Variants in CRTAC1 observed in about 807,000 individuals in gnomAD.
CRTAC1 encodes the protein cartilage acidic protein 1, also known as acidic secreted protein in cartilage.
In CRTAC1, 37 loss-of-function variants were observed where a neutral mutation model predicts 67.8. That is an observed-to-expected ratio of 0.55 (90% CI 0.42 to 0.72). The LOEUF is 0.72. Among genes scored for constraint, CRTAC1 ranks in the 30% least tolerant of loss-of-function variants. The pLI is 0.00. For synonymous variants in CRTAC1, 348 were observed against 371.0 expected, an observed-to-expected ratio of 0.94 and a Z score of 0.71; for missense variants, 780 against 931.6, an observed-to-expected ratio of 0.84 and a Z score of 2.12.
chr10:97,953,599 G>T (rs2051394747), intron 2 of CRTAC1, among the ~76,000 whole-genome samples: 1 of 152,134 alleles, frequency 6.6e-6, no homozygotes, highest in African/African-American at 2.4e-5. Flanking sequence ...CTCGTCATCT[G>T]CGTCTGTAGT....
chr10:98,021,465 G>A (rs1242041850), intron 1 of CRTAC1, among the ~76,000 whole-genome samples: 2 of 152,110 alleles, frequency 1.3e-5, no homozygotes, highest in Admixed American at 6.6e-5. Context: ...GAAAGTGAGA[G>A]GACAAATGGA....
At chr10:97,917,686 A>T in intron 4 of CRTAC1, 30 bp from the exon 5 acceptor site, 1 of 1,502,676 alleles carries the variant, frequency 6.7e-7, no homozygotes, top group South Asian at 1.4e-5. Flanking sequence ...AGAGGTGAGC[A>T]GGGCCACCTT....
chr10:97,916,413 C>G (rs2050759409), intron 5 of CRTAC1, among the ~76,000 whole-genome samples: 1 of 152,202 alleles, frequency 6.6e-6, no homozygotes, highest in African/African-American at 2.4e-5. Flanking sequence ...TTTGTTCCCA[C>G]AAACTTTGTA....
intron 2 of CRTAC1, among the ~76,000 whole-genome samples, chr10:97,965,590 T>C (rs1181872507): frequency 6.6e-6 from 1 of 152,246 alleles, no homozygotes; most frequent in Admixed American, 6.5e-5. Flanking sequence ...AGTTATTCTC[T>C]ATACTGATTG....
chr10:98,028,772 T>C (rs1245281336), intron 1 of CRTAC1, among the ~76,000 whole-genome samples: 5 of 151,860 alleles, frequency 3.3e-5, no homozygotes, highest in Non-Finnish European at 7.4e-5. Flanking sequence ...GAGCTGGGGG[T>C]TGGGATATAG....
intron 1 of CRTAC1, among the ~76,000 whole-genome samples, chr10:98,022,389 A>G (rs945224286): frequency 1.3e-5 from 2 of 152,032 alleles, no homozygotes; most frequent in Non-Finnish European, 2.9e-5. Flanking sequence ...GAAAGAAAAA[A>G]TAAAAGAAAA....
chr10:97,961,582 G>A (rs950569193), intron 2 of CRTAC1, among the ~76,000 whole-genome samples: 2 of 152,190 alleles, frequency 1.3e-5, no homozygotes, highest in East Asian at 1.9e-4. Flanking sequence ...GGAGGAGACC[G>A]AGCAAGACAC....
At chr10:97,990,867 T>C (rs927204100) in intron 2 of CRTAC1, among the ~76,000 whole-genome samples, 6 of 152,150 alleles carry the variant, frequency 3.9e-5, no homozygotes, top group African/African-American at 9.7e-5. Context: ...AAATACAAGA[T>C]AACTTATTTT....
rs1272709587 is a variant in CRTAC1 at position 97,925,727 on chromosome 10, G to GTGAGTGAGAATGAGTGTGGGCA, written c.422-2349_422-2328dup. Among the ~76,000 whole-genome samples the GTGAGTGAGAATGAGTGTGGGCA allele has an allele frequency of 2.7e-4, 40 of 149,106 alleles. 1 individual carries two copies. Among genetic ancestry groups the GTGAGTGAGAATGAGTGTGGGCA allele is most frequent in the Non-Finnish European group, 5.1e-4 (34 of 67,260 alleles). ...GGGGATGAGTGAGTGTGAGGGGAGG[G>GTGAGTGAGAATGAGTGTGGGCA]TGAGTGAGAATGAGTGTGGGCATGA... is the stretch of plus-strand genomic sequence containing the variant. On this transcript the variant is annotated intron_variant, in intron 3 of 14. Transcript: ENST00000370597.
chr10:97,910,218 A>C (rs2050670940), intron 5 of CRTAC1, among the ~76,000 whole-genome samples: 1 of 152,216 alleles, frequency 6.6e-6, no homozygotes, highest in Admixed American at 6.5e-5. Flanking sequence ...CACCCCCAAA[A>C]AAGTATGTGA....
intron 1 of CRTAC1, among the ~76,000 whole-genome samples, chr10:98,021,497 G>A (rs929624978): frequency 6.6e-6 from 1 of 152,222 alleles, no homozygotes; most frequent in Non-Finnish European, 1.5e-5. Flanking sequence ...TTATGCAGAA[G>A]TCACAGCAGG....
intron 1 of CRTAC1, among the ~76,000 whole-genome samples, chr10:98,017,552 G>A (rs1370561664): frequency 6.6e-6 from 1 of 152,022 alleles, no homozygotes; most frequent in Non-Finnish European, 1.5e-5. Flanking sequence ...TCTGTTTTTT[G>A]AGATAGGGTC....
chr10:97,943,774 A>G (rs965962018), intron 2 of CRTAC1, among the ~76,000 whole-genome samples: 2 of 152,250 alleles, frequency 1.3e-5, no homozygotes, highest in African/African-American at 4.8e-5. Flanking sequence ...TCACTTATGT[A>G]CTATCTATGG....
chr10:97,915,917 C>A (rs2050753129), intron 5 of CRTAC1, among the ~76,000 whole-genome samples: 1 of 152,190 alleles, frequency 6.6e-6, no homozygotes, highest in South Asian at 2.1e-4. Flanking sequence ...AACTGCCCGT[C>A]CTTCCAGCCC....
Position 98,029,491 on chromosome 10 carries a change from AGCGGCGGCGGCGGCGGCGGCGGCGGCG to A in CRTAC1, c.24+931_24+957del, listed in dbSNP as rs71007374. Among the ~76,000 whole-genome samples the A allele has an allele frequency of 3.0e-3, 419 of 140,450 alleles. 1 individual carries two copies. Among genetic ancestry groups the A allele is most frequent in the African/African-American group, 0.011 (398 of 35,374 alleles). 92.1% of individuals were successfully genotyped at this position (140,450 alleles called of 152,430 possible). A position where few individuals can be genotyped will look rare whatever the true frequency, so the allele number is the denominator to read the frequency against. ...ACTGGGTGCACCCACCAGCAGCAGC[AGCGGCGGCGGCGGCGGCGGCGGCGGCG>A]GCGGCGGCGGCAGCAGCAGCAATAT... On this transcript the variant is annotated intron_variant, in intron 1 of 14. Coordinates refer to ENST00000370597, the MANE Select transcript of CRTAC1 (RefSeq NM_018058.7). The surrounding 1 kb of genome is among the most constrained non-coding windows in gnomAD (Gnocchi z 4.7).
Position 98,015,225 on chromosome 10 carries a change from T to G in CRTAC1, c.25-3888A>C, listed in dbSNP as rs369064457. ...AGGTGGGTAAATCTTGAAGACATTA[T>G]GCTAAGTGAAATAAGCCAGTCGCAA... On this transcript the variant is annotated intron_variant, in intron 1 of 14. Coordinates refer to ENST00000370597, the MANE Select transcript of CRTAC1 (RefSeq NM_018058.7). Among the ~76,000 whole-genome samples the G allele has an allele frequency of 1.4e-3, 211 of 152,362 alleles. 2 individuals are homozygous for G. Among genetic ancestry groups the G allele is most frequent in the African/African-American group, 4.5e-3 (189 of 41,584 alleles).
intron 14 of CRTAC1, among the ~76,000 whole-genome samples, chr10:97,875,353 T>C (rs2136532215): frequency 6.6e-6 from 1 of 152,384 alleles, no homozygotes; most frequent in East Asian, 1.9e-4. Context: ...TTAGCTGCTT[T>C]CCTGGAGGAT....
intron 2 of CRTAC1, among the ~76,000 whole-genome samples, chr10:97,943,865 C>T (rs1289908014): frequency 6.6e-6 from 1 of 152,178 alleles, no homozygotes; most frequent in East Asian, 1.9e-4. Flanking sequence ...CCATTTGGCG[C>T]TTTACTGAAA....
At chr10:97,907,418 G>A (rs1286995299) in intron 6 of CRTAC1, among the ~76,000 whole-genome samples, 6 of 151,730 alleles carry the variant, frequency 4.0e-5, no homozygotes, top group Admixed American at 1.3e-4. Context: ...GTGGGTGGGG[G>A]ATGAGTGCAG....
Sources: allele counts gnomAD v4.1 joint callset (sites outside exome capture counted in the v4.1 genomes callset), GRCh38; gene constraint gnomAD v4.1.1; non-coding constraint Gnocchi (gnomAD v3.1); transcripts MANE v1.5; gene names NCBI Gene and HGNC (gene_info 2026-07-23, HGNC 2026-07-21).